The following GRIP1 variants were observed in gnomAD, a reference collection of about 807,000 sequenced individuals.
GRIP1 encodes glutamate receptor-interacting protein 1.
In GRIP1, 45 loss-of-function variants were observed where a neutral mutation model predicts 129.9. The observed-to-expected ratio is 0.35, with a 90% CI of 0.27 to 0.44. The LOEUF (loss-of-function observed/expected upper bound fraction) is 0.44. Ranked by LOEUF, GRIP1 falls within the 20% of genes least tolerant of loss-of-function variation. The pLI is 1.00. For synonymous variants in GRIP1, 530 were observed against 520.8 expected, an observed-to-expected ratio of 1.02 and a Z score of -0.24; for missense variants, 1,196 against 1,396.8, an observed-to-expected ratio of 0.86 and a Z score of 2.29.
At chr12:66,822,392 A>G (rs1247848252) in intron 1 of GRIP1, among the ~76,000 whole-genome samples, 1 of 152,260 alleles carries the variant, frequency 6.6e-6, no homozygotes, top group East Asian at 1.9e-4. Flanking sequence ...ATGCTTATTC[A>G]TTGCTGGTAG....
intron 1 of GRIP1, among the ~76,000 whole-genome samples, chr12:66,965,549 TTGTGTGTGTGTGTGTGTGTGTGTGTGTG>T (rs368637185): frequency 4.7e-5 from 6 of 128,252 alleles, no homozygotes; most frequent in South Asian, 6.0e-4. Flanking sequence ...AAAAGAAACA[TTGTGTGTGTGTGTGTGTGTGTGTGTGTG>T]TGTGTGTGTG....
At chr12:66,911,882 C>T (rs992963119) in intron 1 of GRIP1, among the ~76,000 whole-genome samples, 2 of 152,206 alleles carry the variant, frequency 1.3e-5, no homozygotes, top group African/African-American at 4.8e-5. Flanking sequence ...CAGCTGCCAT[C>T]AATTCCTGGC....
chr12:66,884,413 C>T (rs1013613967), intron 1 of GRIP1, among the ~76,000 whole-genome samples: 1 of 152,154 alleles, frequency 6.6e-6, no homozygotes, highest in African/African-American at 2.4e-5. Context: ...GAGACTATTA[C>T]TCTCTACAAT....
At chr12:67,038,922 C>G (rs920013270) in intron 1 of GRIP1, among the ~76,000 whole-genome samples, 1 of 152,104 alleles carries the variant, frequency 6.6e-6, no homozygotes, top group Non-Finnish European at 1.5e-5. Flanking sequence ...TACACATGCC[C>G]TAAAGTACTA....
intron 1 of GRIP1, among the ~76,000 whole-genome samples, chr12:66,697,454 A>G (rs1463132161): frequency 6.6e-6 from 1 of 152,162 alleles, no homozygotes; most frequent in East Asian, 1.9e-4. Flanking sequence ...ACCATTTTTG[A>G]TAATATTTCA....
intron 1 of GRIP1, among the ~76,000 whole-genome samples, chr12:66,797,581 T>C (rs915899714): frequency 1.3e-5 from 2 of 152,216 alleles, no homozygotes; most frequent in Non-Finnish European, 2.9e-5. Context: ...ATGGAAAGAA[T>C]ATAGTTTCCA....
At chr12:66,574,894 C>A (rs897609869) in intron 2 of GRIP1, among the ~76,000 whole-genome samples, 1 of 151,748 alleles carries the variant, frequency 6.6e-6, no homozygotes, top group Non-Finnish European at 1.5e-5. Flanking sequence ...TATGCCTCAT[C>A]TTCCTGGTAT....
At chr12:67,039,844 T>C (rs2043149694) in intron 1 of GRIP1, among the ~76,000 whole-genome samples, 1 of 152,184 alleles carries the variant, frequency 6.6e-6, no homozygotes. Context: ...AAATAACAAT[T>C]ATCCTATTGT....
At chr12:66,729,088 A>G (rs2036347853) in intron 1 of GRIP1, among the ~76,000 whole-genome samples, 1 of 150,332 alleles carries the variant, frequency 6.7e-6, no homozygotes, top group Non-Finnish European at 1.5e-5. Context: ...GGTTCTCACT[A>G]TGTTTCCCAG....
chr12:66,930,880 C>T (rs1364067841), intron 1 of GRIP1, among the ~76,000 whole-genome samples: 1 of 152,088 alleles, frequency 6.6e-6, no homozygotes, highest in Non-Finnish European at 1.5e-5. Context: ...AGATTGAATC[C>T]CAGACTTAAA....
chr12:66,912,218 G>C (rs1240888224), intron 1 of GRIP1, among the ~76,000 whole-genome samples: 1 of 151,836 alleles, frequency 6.6e-6, no homozygotes, highest in African/African-American at 2.4e-5. Flanking sequence ...TACTGGATTA[G>C]GAAGCTCTGA....
chr12:66,993,663 C>T (rs1043484421), intron 1 of GRIP1, among the ~76,000 whole-genome samples: 7 of 151,618 alleles, frequency 4.6e-5, no homozygotes, highest in East Asian at 1.9e-4. Flanking sequence ...TAGTGGTGCA[C>T]GGCCATAATC....
intron 16 of GRIP1, among the ~76,000 whole-genome samples, chr12:66,396,042 A>G (rs1421223442): frequency 6.6e-6 from 1 of 152,194 alleles, no homozygotes; most frequent in Non-Finnish European, 1.5e-5. Context: ...GATTACATGT[A>G]CTTTGCAGCC....
intron 1 of GRIP1, among the ~76,000 whole-genome samples, chr12:66,847,044 TG>T (rs1164271294): frequency 6.6e-6 from 1 of 152,166 alleles, no homozygotes; most frequent in Non-Finnish European, 1.5e-5. Context: ...GGGAGAAGGA[TG>T]GAGGCGTGGA....
intron 1 of GRIP1, among the ~76,000 whole-genome samples, chr12:66,855,383 T>C (rs1201632498): frequency 6.6e-6 from 1 of 151,986 alleles, no homozygotes; most frequent in East Asian, 1.9e-4. Context: ...ACTTCAGGGA[T>C]TCAATATTCC....
intron 1 of GRIP1, among the ~76,000 whole-genome samples, chr12:66,883,750 C>T (rs1387932799): frequency 1.3e-5 from 2 of 152,200 alleles, no homozygotes; most frequent in African/African-American, 2.4e-5. Context: ...AAGACATCCC[C>T]GTTTGGACAC....
intron 1 of GRIP1, among the ~76,000 whole-genome samples, chr12:66,691,077 A>C (rs992567497): frequency 1.3e-5 from 2 of 152,176 alleles, no homozygotes; most frequent in Non-Finnish European, 2.9e-5. Context: ...GAAATACAAG[A>C]ATTAGTCAAG....
At chr12:67,004,035 C>A (rs2042591414) in intron 1 of GRIP1, among the ~76,000 whole-genome samples, 1 of 152,198 alleles carries the variant, frequency 6.6e-6, no homozygotes. Context: ...ACATCACCTT[C>A]TCCTCTGTGA....
chr12:66,370,283 C>T (rs957884887), intron 23 of GRIP1, among the ~76,000 whole-genome samples: 2 of 152,212 alleles, frequency 1.3e-5, no homozygotes, highest in African/African-American at 4.8e-5. Flanking sequence ...CAGGCAGTCT[C>T]CTCATTAGAC....
Sources: allele counts gnomAD v4.1 joint callset (sites outside exome capture counted in the v4.1 genomes callset), GRCh38; gene constraint gnomAD v4.1.1; transcripts MANE v1.5; gene names NCBI Gene and HGNC (gene_info 2026-07-23, HGNC 2026-07-21).